The following SCARA3 variants were observed in gnomAD, a reference collection of about 807,000 sequenced individuals.
SCARA3 encodes the protein scavenger receptor class A member 3.
In SCARA3, 39 loss-of-function variants were observed where a neutral mutation model predicts 47.0. That is an observed-to-expected ratio of 0.83 (90% CI 0.64 to 1.08). The LOEUF (loss-of-function observed/expected upper bound fraction) is 1.08, where lower values mean the gene tolerates loss of function less well. Ranked by LOEUF, SCARA3 falls within the 50% of genes least tolerant of loss-of-function variation. SCARA3 has a pLI of 0.00. For missense variants in SCARA3, 724 were observed against 792.3 expected, an observed-to-expected ratio of 0.91 and a Z score of 1.04; for synonymous variants, 356 against 334.1, an observed-to-expected ratio of 1.07 and a Z score of -0.71.
At chr8:27,660,837 G>GCTAGCTAGCCAA (rs1445670610) in intron 5 of SCARA3, among the ~76,000 whole-genome samples, 2 of 51,092 alleles carry the variant, frequency 3.9e-5, no homozygotes, top group African/African-American at 7.7e-5. Context: ...AAGATAGCTA[G>GCTAGCTAGCCAA]CTAGCTAGAT....
At chr8:27,725,422 A>G in the SCARA3 span, among the ~76,000 whole-genome samples, 1 of 150,250 alleles carries the variant, frequency 6.7e-6, no homozygotes, top group Non-Finnish European at 1.5e-5. Context: ...GAAAATGAAC[A>G]TATCTTTTCA....
chr8:27,659,172 C>G lies in SCARA3; in HGVS notation c.1002C>G (p.Tyr334Ter), dbSNP rs140763076. The G allele has an allele frequency of 7.4e-5, 119 of 1,614,158 alleles. No individual in the cohort carries two copies. Among genetic ancestry groups the G allele is most frequent in the Admixed American group, 1.5e-4 (9 of 60,022 alleles). Residue 334 changes from tyrosine to a stop codon, truncating the protein, a stop_gained, in exon 5 of 6, where the codon TAC (tyrosine) becomes TAG (stop). Transcript: ENST00000301904. LOFTEE classifies it high-confidence loss of function. ...ATGATCTTCAGTACCATACCCACTA[C>G]GCCCAGAACCGCACTGTGGAGAGGT... ...NMHDLQYHTH[Y>*]AQNRTVERFE...
In SCARA3 at chr8:27,671,532, C is replaced by T. The variant is rs998618559; in HGVS notation, c.*181C>T. 50 of 1,289,718 alleles carry T rather than the reference C, an allele frequency of 3.9e-5. No homozygotes were observed. The highest frequency in any genetic ancestry group is 4.6e-5 in the Non-Finnish European group (47 of 1,023,974). 79.9% of individuals were successfully genotyped at this position (1,289,718 alleles called of 1,614,324 possible). On this transcript the variant is annotated 3_prime_UTR_variant, in exon 6 of 6. Transcript: ENST00000301904. ...TGACTGTGCCATAGGAAAGCAGCCC[C>T]TCCTCACACATACATGTGCACATGC...
chr8:27,637,081 G>A (rs377756255), intron 1 of SCARA3, among the ~76,000 whole-genome samples: 13 of 152,238 alleles, frequency 8.5e-5, no homozygotes, highest in African/African-American at 3.1e-4. Flanking sequence ...GATGTTGTAT[G>A]GAGAACCGGT....
At chr8:27,636,681 G>A (rs750069781) in intron 1 of SCARA3, among the ~76,000 whole-genome samples, 16 of 152,210 alleles carry the variant, frequency 1.1e-4, no homozygotes, top group Non-Finnish European at 1.9e-4. Context: ...TCCTGTCTAC[G>A]GAGGCCCTGA....
At chr8:27,684,322 AT>A in the SCARA3 span, among the ~76,000 whole-genome samples, 1 of 152,268 alleles carries the variant, frequency 6.6e-6, no homozygotes, top group Admixed American at 6.5e-5. Context: ...CTATTTTATA[AT>A]GAAAATAAGT....
chr8:27,662,531 C>T (rs1212136536), intron 5 of SCARA3, among the ~76,000 whole-genome samples: 1 of 152,120 alleles, frequency 6.6e-6, no homozygotes, highest in Non-Finnish European at 1.5e-5. Context: ...TGTGAGTCTA[C>T]GGAGGGTAGT....
At chr8:27,706,248 T>A in the SCARA3 span, among the ~76,000 whole-genome samples, 1 of 152,156 alleles carries the variant, frequency 6.6e-6, no homozygotes, top group Admixed American at 6.5e-5. Context: ...CTCTGCCTCC[T>A]GGATTCAACA....
intron 5 of SCARA3, 134 bp from the exon 6 acceptor site, chr8:27,670,766 C>T: frequency 5.8e-6 from 4 of 693,314 alleles, no homozygotes; most frequent in Admixed American, 2.7e-5. Flanking sequence ...ATCGGCAAGC[C>T]TTGCAGTGAG....
upstream of SCARA3, chr8:27,633,823 G>A (rs1399262622): frequency 6.5e-6 from 1 of 152,728 alleles, no homozygotes; most frequent in Admixed American, 6.6e-5. Flanking sequence ...TTGCGAGCGA[G>A]GGAGGAAAGG....
At chr8:27,697,057 A>G in the SCARA3 span, among the ~76,000 whole-genome samples, 2 of 152,124 alleles carry the variant, frequency 1.3e-5, no homozygotes, top group Admixed American at 6.5e-5. Context: ...ATCCTGAAAA[A>G]CCTGATTTAA....
the SCARA3 span, among the ~76,000 whole-genome samples, chr8:27,698,140 C>A: frequency 1.3e-5 from 2 of 152,136 alleles, no homozygotes; most frequent in Non-Finnish European, 2.9e-5. Flanking sequence ...GAATTCATAG[C>A]CAGTATATCT....
chr8:27,731,173 C>A, the SCARA3 span, among the ~76,000 whole-genome samples: 12 of 150,596 alleles, frequency 8.0e-5, no homozygotes, highest in African/African-American at 2.9e-4. Context: ...TATCACAGCT[C>A]ACTGCAGAAT....
chr8:27,676,593 GGATATGATA>G, downstream of SCARA3: 1 of 1,575,602 alleles, frequency 6.3e-7, no homozygotes, highest in South Asian at 1.1e-5. Context: ...TCACATAATC[GGATATGATA>G]TGAAGCCAGC....
intron 5 of SCARA3, among the ~76,000 whole-genome samples, chr8:27,665,960 C>T (rs1432093963): frequency 6.6e-6 from 1 of 152,156 alleles, no homozygotes; most frequent in East Asian, 1.9e-4. Flanking sequence ...GGTAGAAGCC[C>T]AAGATGGGCA....
the SCARA3 span, among the ~76,000 whole-genome samples, chr8:27,730,606 C>T: frequency 2.0e-5 from 3 of 151,834 alleles, no homozygotes; most frequent in African/African-American, 7.3e-5. Context: ...ACCTCAGCCT[C>T]CTGCGTAGGT....
At chr8:27,730,104 C>G in the SCARA3 span, among the ~76,000 whole-genome samples, 1 of 152,188 alleles carries the variant, frequency 6.6e-6, no homozygotes, top group Non-Finnish European at 1.5e-5. Flanking sequence ...CCACTTCTGC[C>G]CCACCCTCAA....
chr8:27,723,227 T>G, the SCARA3 span, among the ~76,000 whole-genome samples: 2 of 152,210 alleles, frequency 1.3e-5, no homozygotes, highest in Non-Finnish European at 2.9e-5. Flanking sequence ...ACAAATGACC[T>G]GAACTCCTTG....
At chr8:27,669,533 G>A (rs1169275673) in intron 5 of SCARA3, among the ~76,000 whole-genome samples, 1 of 152,248 alleles carries the variant, frequency 6.6e-6, no homozygotes, top group Non-Finnish European at 1.5e-5. Context: ...CTGCCTCCCG[G>A]CTTCTCTGAG....
Sources: allele counts gnomAD v4.1 joint callset (sites outside exome capture counted in the v4.1 genomes callset), GRCh38; gene constraint gnomAD v4.1.1; transcripts MANE v1.5; gene names NCBI Gene and HGNC (gene_info 2026-07-23, HGNC 2026-07-21).